The following MAPK10 variants were observed in gnomAD, a reference collection of about 807,000 sequenced individuals.
The protein encoded by MAPK10 is JNK3 alpha protein kinase.
MAPK10 carries 25 observed loss-of-function variants against 59.3 expected under a neutral mutation model. The observed-to-expected ratio is 0.42, with a 90% CI of 0.31 to 0.59. The LOEUF is 0.59. Ranked by LOEUF, MAPK10 falls within the 20% of genes least tolerant of loss-of-function variation. The pLI, the probability that MAPK10 is intolerant of heterozygous loss-of-function variation, is 0.15. For synonymous variants in MAPK10, 190 were observed against 200.5 expected (o/e 0.95, Z 0.44); for missense variants, 351 against 568.9 (o/e 0.62, Z 3.90).
intron 2 of MAPK10, among the ~76,000 whole-genome samples, chr4:86,304,387 CTTTT>C (rs1162506350): frequency 3.6e-5 from 4 of 112,560 alleles, no homozygotes; most frequent in Non-Finnish European, 5.2e-5. Flanking sequence ...TGGAGTATTT[CTTTT>C]TTTTTTTTTT....
chr4:86,402,010 C>T (rs963363343), intron 1 of MAPK10, among the ~76,000 whole-genome samples: 6 of 152,220 alleles, frequency 3.9e-5, no homozygotes, highest in South Asian at 2.1e-4. Context: ...AAGCATCCTA[C>T]GCCCCCAGCC....
chr4:86,214,692 G>C (rs575530524), intron 2 of MAPK10, among the ~76,000 whole-genome samples: 1 of 151,854 alleles, frequency 6.6e-6, no homozygotes, highest in East Asian at 1.9e-4. Flanking sequence ...GAAATACTTA[G>C]GAATTGACTT....
intron 2 of MAPK10, among the ~76,000 whole-genome samples, chr4:86,246,362 C>T (rs571782954): frequency 7.1e-4 from 108 of 152,174 alleles, no homozygotes; most frequent in Non-Finnish European, 7.6e-4. Context: ...ACCCATGAGG[C>T]GGAGCTTGCA....
intron 2 of MAPK10, among the ~76,000 whole-genome samples, chr4:86,293,823 G>T (rs2095289936): frequency 6.6e-6 from 1 of 152,112 alleles, no homozygotes; most frequent in Non-Finnish European, 1.5e-5. Context: ...CAAGAGGACA[G>T]CACCAAGAGG....
At chr4:86,264,859 C>G (rs1268677783) in intron 2 of MAPK10, among the ~76,000 whole-genome samples, 1 of 149,564 alleles carries the variant, frequency 6.7e-6, no homozygotes, top group East Asian at 2.0e-4. Flanking sequence ...AAATTATGTC[C>G]CCTTCTCTAG....
intron 2 of MAPK10, among the ~76,000 whole-genome samples, chr4:86,223,428 C>A (rs1413459423): frequency 6.6e-6 from 1 of 152,190 alleles, no homozygotes; most frequent in Non-Finnish European, 1.5e-5. Context: ...TACTACACAC[C>A]ATTAGAACAG....
chr4:86,333,330 C>A (rs954288437), intron 2 of MAPK10, among the ~76,000 whole-genome samples: 33 of 152,238 alleles, frequency 2.2e-4, no homozygotes, highest in African/African-American at 7.2e-4. Flanking sequence ...GCCCCGAAAT[C>A]AAATCCTTTC....
At chr4:86,429,001 A>G (rs1236466388) in intron 1 of MAPK10, among the ~76,000 whole-genome samples, 1 of 152,180 alleles carries the variant, frequency 6.6e-6, no homozygotes, top group Non-Finnish European at 1.5e-5. Flanking sequence ...TGTTTTTAGC[A>G]TAGGAGGACT....
intron 11 of MAPK10, among the ~76,000 whole-genome samples, chr4:86,041,445 C>T (rs1361366737): frequency 1.3e-5 from 2 of 152,060 alleles, no homozygotes; most frequent in African/African-American, 4.8e-5. Flanking sequence ...TACTAAAACA[C>T]CAAAAGCAAT....
At chr4:86,197,107 G>T (rs1416140028) in intron 2 of MAPK10, among the ~76,000 whole-genome samples, 1 of 152,144 alleles carries the variant, frequency 6.6e-6, no homozygotes, top group East Asian at 1.9e-4. Context: ...AAAGTCAATG[G>T]TAGCTTGATG....
chr4:86,040,281 CAA>C (rs1365420421), intron 11 of MAPK10, among the ~76,000 whole-genome samples: 1 of 151,704 alleles, frequency 6.6e-6, no homozygotes, highest in East Asian at 2.0e-4. Context: ...ATCAAGAAAA[CAA>C]TAAATAAAAC....
intron 2 of MAPK10, among the ~76,000 whole-genome samples, chr4:86,198,582 C>T (rs981334644): frequency 6.6e-6 from 1 of 151,874 alleles, no homozygotes; most frequent in African/African-American, 2.4e-5. Flanking sequence ...TCACGTTGTA[C>T]ACAAAAAATA....
intron 2 of MAPK10, among the ~76,000 whole-genome samples, chr4:86,341,212 T>A (rs1237690204): frequency 1.3e-5 from 2 of 152,184 alleles, no homozygotes; most frequent in African/African-American, 4.8e-5. Flanking sequence ...ACTAGCCCAA[T>A]ATACTCTTGA....
chr4:86,258,628 G>A (rs2093856287), intron 2 of MAPK10, among the ~76,000 whole-genome samples: 1 of 151,884 alleles, frequency 6.6e-6, no homozygotes, highest in Non-Finnish European at 1.5e-5. Context: ...TCCCACTCCA[G>A]CCACCAAATC....
In MAPK10 at chr4:86,548,195, C is replaced by T. The variant is rs1217762077; in HGVS notation, c.-263+45715G>A. Reference sequence around the variant, plus strand: ...GAAGCCAGCGAGACCACGAACCCACCGGGAGGAACAAACAACTCCAGACGC... The same window carrying T: ...GAAGCCAGCGAGACCACGAACCCACTGGGAGGAACAAACAACTCCAGACGC... On this transcript the variant is annotated intron_variant, in intron 1 of 4. Transcript: ENST00000502302. Among the ~76,000 whole-genome samples, 13 of 152,178 alleles carry T rather than the reference C, an allele frequency of 8.5e-5. No homozygotes were observed. In the South Asian group the frequency reaches 1.0e-3, roughly 12 times the overall value.
chr4:86,343,893 A>ATC (rs1726562020), intron 2 of MAPK10, among the ~76,000 whole-genome samples: 1 of 69,942 alleles, frequency 1.4e-5, no homozygotes, highest in Admixed American at 1.5e-4. Context: ...ATAAAAAGAT[A>ATC]ACTATTTATG....
intron 11 of MAPK10, among the ~76,000 whole-genome samples, chr4:86,054,957 A>ATTCTACTCACATGG (rs1280117333): frequency 6.6e-6 from 1 of 152,198 alleles, no homozygotes; most frequent in Non-Finnish European, 1.5e-5. Flanking sequence ...AATCATATTT[A>ATTCTACTCACATGG]AAAGAATTCA....
At chr4:86,364,885 T>C (rs1737584518), upstream of MAPK10, among the ~76,000 whole-genome samples, 1 of 151,622 alleles carries the variant, frequency 6.6e-6, no homozygotes, top group Non-Finnish European at 1.5e-5. Context: ...GAGGCTGAGG[T>C]AGAAGGATTG....
chr4:86,399,797 T>C (rs1743436073), intron 1 of MAPK10: 1 of 152,228 alleles, frequency 6.6e-6, no homozygotes, highest in Non-Finnish European at 1.5e-5. Context: ...GCTGTCCTAG[T>C]GGTTTGAACC....
Sources: allele counts gnomAD v4.1 joint callset (sites outside exome capture counted in the v4.1 genomes callset), GRCh38; gene constraint gnomAD v4.1.1; transcripts MANE v1.5; gene names NCBI Gene and HGNC (gene_info 2026-07-23, HGNC 2026-07-21).